PTPRA: variants seen among roughly 807,000 people sequenced by gnomAD.
PTPRA encodes receptor-type tyrosine-protein phosphatase alpha.
Under a neutral mutation model 104.8 loss-of-function variants are expected in PTPRA, and 25 were observed. That is an observed-to-expected ratio of 0.24 (90% CI 0.17 to 0.33). The LOEUF (loss-of-function observed/expected upper bound fraction) is 0.33, where lower values mean the gene tolerates loss of function less well. PTPRA is among the 10% of genes least tolerant of loss of function. PTPRA has a pLI of 1.00. For synonymous variants in PTPRA, 323 were observed against 368.9 expected (o/e 0.88, Z 1.43); for missense variants, 765 against 1,015.3 (o/e 0.75, Z 3.35).
At chr20:2,914,445 CTGTGTGTGTGTGTGTGTG>C (rs35272226) in intron 1 of PTPRA, among the ~76,000 whole-genome samples, 2 of 145,624 alleles carry the variant, frequency 1.4e-5, no homozygotes, top group African/African-American at 5.0e-5. Flanking sequence ...ATTTCTTGCT[CTGTGTGTGTGTGTGTGTG>C]TGTGTGTGTG....
At chr20:2,930,518 C>T (rs1303074836) in intron 2 of PTPRA, among the ~76,000 whole-genome samples, 1 of 152,134 alleles carries the variant, frequency 6.6e-6, no homozygotes, top group Non-Finnish European at 1.5e-5. Flanking sequence ...AATATATTGT[C>T]TGGCAGTTCT....
chr20:2,982,830 G>C (rs2062742766), intron 6 of PTPRA, among the ~76,000 whole-genome samples: 1 of 151,964 alleles, frequency 6.6e-6, no homozygotes, highest in Admixed American at 6.6e-5. Context: ...CTAAGTAGCT[G>C]AGATTACAGG....
intron 3 of PTPRA, among the ~76,000 whole-genome samples, chr20:2,949,056 C>A (rs2061261003): frequency 6.6e-6 from 1 of 152,142 alleles, no homozygotes; most frequent in Non-Finnish European, 1.5e-5. Context: ...TTTAAGATGT[C>A]AGATTTCAGT....
At chr20:2,973,798 G>C (rs2062298348) in intron 5 of PTPRA, among the ~76,000 whole-genome samples, 1 of 152,172 alleles carries the variant, frequency 6.6e-6, no homozygotes, top group African/African-American at 2.4e-5. Flanking sequence ...TGCCAGGAGA[G>C]CTTGGTGCTC....
At chr20:2,977,840 A>G (rs1182884239) in intron 6 of PTPRA, among the ~76,000 whole-genome samples, 1 of 152,034 alleles carries the variant, frequency 6.6e-6, no homozygotes, top group East Asian at 1.9e-4. Context: ...TCAGGAAGGA[A>G]ATATGTGAAC....
At chr20:2,989,739 T>C (rs530271106) in intron 9 of PTPRA, among the ~76,000 whole-genome samples, 81 of 152,172 alleles carry the variant, frequency 5.3e-4, no homozygotes, top group South Asian at 1.2e-3. Context: ...ATGACTCAGC[T>C]GGGCACGGTG....
intron 6 of PTPRA, among the ~76,000 whole-genome samples, chr20:2,980,121 A>G (rs2062609780): frequency 6.6e-6 from 1 of 150,858 alleles, no homozygotes; most frequent in Non-Finnish European, 1.5e-5. Context: ...TATGTTGGTC[A>G]GGCTGCTCTT....
intron 2 of PTPRA, among the ~76,000 whole-genome samples, chr20:2,931,045 C>A (rs2060485242): frequency 6.6e-6 from 1 of 152,120 alleles, no homozygotes; most frequent in African/African-American, 2.4e-5. Context: ...GTCAGTAGAC[C>A]AGAGTCTGGA....
At chr20:2,866,149 T>C in the PTPRA span, 1 of 1,477,070 alleles carries the variant, frequency 6.8e-7, no homozygotes, top group South Asian at 1.2e-5. Context: ...CCTCTGCTCG[T>C]AAGAGAGAGG....
intron 2 of PTPRA, among the ~76,000 whole-genome samples, chr20:2,927,052 A>G (rs921116047): frequency 2.6e-5 from 4 of 151,834 alleles, no homozygotes; most frequent in East Asian, 1.9e-4. Flanking sequence ...CGGCCTCCCA[A>G]AGTGCTGGGA....
At chr20:2,884,468 T>C (rs1245690606) in intron 1 of PTPRA, among the ~76,000 whole-genome samples, 2 of 152,168 alleles carry the variant, frequency 1.3e-5, no homozygotes, top group Non-Finnish European at 2.9e-5. Flanking sequence ...TATAGCCATC[T>C]TAGTGGGTGT....
intron 2 of PTPRA, among the ~76,000 whole-genome samples, chr20:2,938,832 C>G (rs78158597): frequency 6.6e-6 from 1 of 152,146 alleles, no homozygotes; most frequent in East Asian, 1.9e-4. Context: ...GTTTCATGAG[C>G]GCTGTTTTAA....
intron 3 of PTPRA, among the ~76,000 whole-genome samples, chr20:2,948,990 A>G (rs1045082789): frequency 6.6e-6 from 1 of 151,832 alleles, no homozygotes; most frequent in African/African-American, 2.4e-5. Context: ...ACCATATCCC[A>G]CTATCTCCCC....
chr20:2,979,557 T>C (rs533115800), intron 6 of PTPRA, among the ~76,000 whole-genome samples: 1 of 152,316 alleles, frequency 6.6e-6, no homozygotes, highest in African/African-American at 2.4e-5. Context: ...GGCAGACTCA[T>C]GCTCTGTCGC....
chr20:2,875,062 G>T (rs1007385860), intron 1 of PTPRA, among the ~76,000 whole-genome samples: 1 of 152,056 alleles, frequency 6.6e-6, no homozygotes, highest in Non-Finnish European at 1.5e-5. Context: ...TATCTCCCGT[G>T]GTGGGAGAAT....
chr20:3,008,621 C>T lies in PTPRA; in HGVS notation c.906+1201C>T, dbSNP rs543950244. ...TAAAATGGCTAAAATCAGCCGGGCA[C>T]GGTGGCACACCTGTAATCTCAGCAC... On this transcript the variant is annotated intron_variant, in intron 11 of 23. Transcript: ENST00000399903. Among the ~76,000 whole-genome samples, 16 of 150,978 alleles carry T rather than the reference C, an allele frequency of 1.1e-4. 1 individual carries two copies. The South Asian group carries it at 2.1e-3, about 20-fold the overall frequency.
intron 1 of PTPRA, among the ~76,000 whole-genome samples, chr20:2,910,589 G>GTTTTTTTTTTT (rs1423909050): frequency 2.4e-4 from 14 of 57,978 alleles, no homozygotes; most frequent in South Asian, 7.2e-4. Flanking sequence ...TTTTTTTTTT[G>GTTTTTTTTTTT]TTTTTTTTTT....
rs114760323 is a variant in PTPRA at position 3,024,142 on chromosome 20, C to T, written c.1465-330C>T. 7.9e-5 allele frequency among the ~76,000 whole-genome samples: 12 copies of T among 152,282 alleles called. No individual in the cohort carries two copies. In the East Asian group the frequency reaches 1.4e-3, roughly 17 times the overall value. On this transcript the variant is annotated intron_variant, in intron 16 of 23. Transcript: ENST00000399903. ...GAGGGAGGCAGGGACCAGACTATCA[C>T]GGGCTTTGGGTGTCTCCAGTTTCTG...
chr20:3,017,685 T>C, intron 12 of PTPRA, 131 bp from the exon 13 acceptor site: 1 of 698,456 alleles, frequency 1.4e-6, no homozygotes, highest in Non-Finnish European at 2.5e-6. Flanking sequence ...GGTGGATGGA[T>C]ACATGGGTTA....
Sources: allele counts gnomAD v4.1 joint callset (sites outside exome capture counted in the v4.1 genomes callset), GRCh38; gene constraint gnomAD v4.1.1; transcripts MANE v1.5; gene names NCBI Gene and HGNC (gene_info 2026-07-23, HGNC 2026-07-21).